Variants in DNAH11 observed in about 807,000 individuals in gnomAD.
DNAH11 encodes axonemal beta dynein heavy chain 11.
In DNAH11, 442 loss-of-function variants were observed where a neutral mutation model predicts 526.0. The ratio of observed to expected loss-of-function variants is 0.84; its 90% CI spans 0.78 to 0.91. The LOEUF is 0.91. Among genes scored for constraint, DNAH11 ranks in the 40% least tolerant of loss-of-function variants. DNAH11 has a pLI of 0.00. For missense variants in DNAH11, 6,989 were observed against 5,448.7 expected (o/e 1.28, Z -8.90); for synonymous variants, 2,461 against 1,935.9 (o/e 1.27, Z -7.12).
chr7:21,791,540 A>G (rs1290198706), intron 61 of DNAH11, among the ~76,000 whole-genome samples: 3 of 152,212 alleles, frequency 2.0e-5, no homozygotes, highest in Admixed American at 2.0e-4. Flanking sequence ...CCTGCTCCCA[A>G]GACCCTCTGG....
intron 65 of DNAH11, among the ~76,000 whole-genome samples, chr7:21,831,656 T>C (rs1304794177): frequency 6.6e-6 from 1 of 152,250 alleles, no homozygotes; most frequent in South Asian, 2.1e-4. Context: ...CCCAAGCAGA[T>C]ACATTTCTGC....
intron 5 of DNAH11, among the ~76,000 whole-genome samples, chr7:21,562,601 T>G (rs1189319907): frequency 1.3e-5 from 2 of 152,148 alleles, no homozygotes; most frequent in East Asian, 3.9e-4. Flanking sequence ...CTCAAACTCA[T>G]GGTCAAGTTG....
chr7:21,682,084 C>T (rs191966399), intron 31 of DNAH11, among the ~76,000 whole-genome samples: 1 of 152,280 alleles, frequency 6.6e-6, no homozygotes, highest in East Asian at 1.9e-4. Flanking sequence ...GCCTTTGATA[C>T]ATTTCCCCTT....
At chr7:21,804,981 T>C (rs973160788) in intron 62 of DNAH11, among the ~76,000 whole-genome samples, 8 of 152,212 alleles carry the variant, frequency 5.3e-5, no homozygotes, top group Admixed American at 3.9e-4. Context: ...CCATCTTCAC[T>C]GGCCTTCTGT....
intron 81 of DNAH11, 107 bp downstream of exon 81, chr7:21,900,227 C>T (rs1027104962): frequency 1.7e-6 from 2 of 1,206,148 alleles, no homozygotes; most frequent in African/African-American, 1.5e-5. Flanking sequence ...ACACAGTAAC[C>T]TTATGCTAGT....
chr7:21,653,793 G>C (rs921364175), intron 28 of DNAH11, among the ~76,000 whole-genome samples: 6 of 152,298 alleles, frequency 3.9e-5, no homozygotes, highest in Admixed American at 3.9e-4. Context: ...AGGACTTCTT[G>C]CTGTGATTTT....
intron 8 of DNAH11, among the ~76,000 whole-genome samples, chr7:21,576,294 C>G (rs1171794836): frequency 6.6e-6 from 1 of 152,152 alleles, no homozygotes; most frequent in Non-Finnish European, 1.5e-5. Flanking sequence ...CCTGAAAGGC[C>G]TCAGCAAGCA....
chr7:21,899,845 C>T (rs1456843671), intron 80 of DNAH11, 135 bp from the exon 81 acceptor site: 30 of 1,076,656 alleles, frequency 2.8e-5, no homozygotes, highest in Non-Finnish European at 3.8e-5. Flanking sequence ...CCCCCTGCTC[C>T]AGCGCAGCCA....
At position 21,873,655 on chromosome 7, in the gene DNAH11, C is replaced by G. The variant is rs529461173; in HGVS notation, c.12195+154C>G. 5.3e-5 allele frequency among the ~76,000 whole-genome samples: 8 copies of G among 152,104 alleles called. No homozygotes were observed. In the South Asian group the frequency reaches 1.0e-3, roughly 20 times the overall value. On this transcript the variant is annotated intron_variant, in intron 74 of 81. Transcript: ENST00000409508. ...GGTAGGGGTGGGCGTGTTTTAATCTCTTGAAAGAATTGCCCCTGTCATTTC... is the reference window on the plus strand; with the variant it reads ...GGTAGGGGTGGGCGTGTTTTAATCTGTTGAAAGAATTGCCCCTGTCATTTC...
chr7:21,867,691 C>G (rs1016252715), intron 71 of DNAH11, among the ~76,000 whole-genome samples, 168 bp from the exon 72 acceptor site: 2 of 152,184 alleles, frequency 1.3e-5, no homozygotes, highest in Non-Finnish European at 2.9e-5. Context: ...CATTGACACA[C>G]CTACCGCATA....
intron 34 of DNAH11, among the ~76,000 whole-genome samples, chr7:21,688,618 T>C (rs917812178): frequency 6.6e-6 from 1 of 152,236 alleles, no homozygotes; most frequent in African/African-American, 2.4e-5. Context: ...AGGCTTCTCA[T>C]ATTTAATATA....
intron 77 of DNAH11, 119 bp from the exon 78 acceptor site, chr7:21,894,504 C>A (rs1188690047): frequency 9.6e-7 from 1 of 1,042,574 alleles, no homozygotes; most frequent in Non-Finnish European, 1.4e-6. Flanking sequence ...CATGCATTTG[C>A]AGGCACCTTC....
At position 21,771,305 on chromosome 7, in the gene DNAH11, C is replaced by T. The variant is rs149314128; in HGVS notation, c.9103-2461C>T. 1.8e-3 allele frequency among the ~76,000 whole-genome samples: 278 copies of T among 152,238 alleles called. 1 individual carries two copies. The highest frequency in any genetic ancestry group is 6.5e-3 in the African/African-American group (268 of 41,522). On this transcript the variant is annotated intron_variant, in intron 55 of 81. Transcript: ENST00000409508. Reference sequence around the variant, plus strand: ...TCTTGGGAAGGTATAAAATCCTAAACTGATTTAGTGCTGACCTCTGGGTAT... The same window carrying T: ...TCTTGGGAAGGTATAAAATCCTAAATTGATTTAGTGCTGACCTCTGGGTAT...
At chr7:21,739,096 A>T (rs1296103528) in intron 47 of DNAH11, among the ~76,000 whole-genome samples, 1 of 152,134 alleles carries the variant, frequency 6.6e-6, no homozygotes, top group Non-Finnish European at 1.5e-5. Flanking sequence ...GGAAGATTGG[A>T]TTGAAAAGTG....
intron 20 of DNAH11, 46 bp downstream of exon 20, chr7:21,606,779 TA>T (rs755728092): frequency 1.4e-6 from 2 of 1,468,922 alleles, no homozygotes; most frequent in Admixed American, 3.9e-5. Flanking sequence ...ATAGCTACTT[TA>T]AAAAATGTAA....
chr7:21,724,744 T>G, intron 44 of DNAH11, among the ~76,000 whole-genome samples: 1 of 150,290 alleles, frequency 6.7e-6, no homozygotes. Context: ...AATATAAGAG[T>G]CACTGGGCCA....
Position 21,606,403 on chromosome 7 carries a change from C to G in DNAH11, c.3649-23C>G, listed in dbSNP as rs370835408. On this transcript the variant is annotated intron_variant, in intron 18 of 81. Transcript: ENST00000409508. ...TGTTTTAGGAATTGAAGTAATTTCG[C>G]ATTTGTGCCTTTGCTTTTGCAGGAA... The G allele has an allele frequency of 6.9e-5, 108 of 1,566,372 alleles. No homozygotes were observed. The East Asian group carries it at 1.4e-3, about 20-fold the overall frequency.
chr7:21,863,083 AAAG>A lies in DNAH11; in HGVS notation c.11373+1063_11373+1065del, dbSNP rs1293633530. On this transcript the variant is annotated intron_variant, in intron 69 of 81. Transcript: ENST00000409508. ...CGTCTCAAAAAAAAAAAAAAAAGAA[AAAG>A]AAAAGAAAAAGCGTTCGTGATAAGA... Among the ~76,000 whole-genome samples the A allele has an allele frequency of 2.9e-4, 44 of 150,514 alleles. 1 individual carries two copies. Among genetic ancestry groups the A allele is most frequent in the African/African-American group, 1.0e-3 (42 of 40,532 alleles).
At chr7:21,866,398 T>G (rs1783279395) in intron 70 of DNAH11, 72 bp from the exon 71 acceptor site, 2 of 1,425,066 alleles carry the variant, frequency 1.4e-6, no homozygotes, top group Non-Finnish European at 1.9e-6. Context: ...ATTAGATACA[T>G]TCACAAGTCT....
Sources: allele counts gnomAD v4.1 joint callset (sites outside exome capture counted in the v4.1 genomes callset), GRCh38; gene constraint gnomAD v4.1.1; transcripts MANE v1.5; gene names NCBI Gene and HGNC (gene_info 2026-07-23, HGNC 2026-07-21).